Variants in SLC24A4 observed in about 807,000 individuals in gnomAD.
The protein encoded by SLC24A4 is sodium/potassium/calcium exchanger 4.
SLC24A4 carries 53 observed loss-of-function variants against 79.0 expected under a neutral mutation model. The ratio of observed to expected loss-of-function variants is 0.67; its 90% CI spans 0.54 to 0.84. The LOEUF (loss-of-function observed/expected upper bound fraction) is 0.84, where lower values mean the gene tolerates loss of function less well. SLC24A4 is among the 40% of genes least tolerant of loss of function. The probability of loss-of-function intolerance (pLI) is 0.00; values close to 1 mark genes in which losing one functional copy is unlikely to be tolerated. For missense variants in SLC24A4, 731 were observed against 822.0 expected, an observed-to-expected ratio of 0.89 and a Z score of 1.35; for synonymous variants, 323 against 323.8, an observed-to-expected ratio of 1.00 and a Z score of 0.03.
intron 2 of SLC24A4, among the ~76,000 whole-genome samples, chr14:92,347,300 G>A (rs2141633396): frequency 6.6e-6 from 1 of 152,240 alleles, no homozygotes; most frequent in Middle Eastern, 3.4e-3. Context: ...ACTTTTCAAG[G>A]AGCCAAAGGC....
chr14:92,415,143 T>G (rs1244421428), intron 2 of SLC24A4, among the ~76,000 whole-genome samples: 2 of 152,204 alleles, frequency 1.3e-5, no homozygotes, highest in Non-Finnish European at 2.9e-5. Flanking sequence ...TTGTTGAGAA[T>G]TCTCCTGTGG....
In SLC24A4 at chr14:92,400,381, G is replaced by A. The variant is rs193033172; in HGVS notation, c.242-33531G>A. Among the ~76,000 whole-genome samples the A allele has an allele frequency of 4.2e-4, 62 of 147,100 alleles. 2 individuals carry two copies. In the East Asian group the frequency reaches 0.013, roughly 30 times the overall value. Reference sequence around the variant, plus strand: ...TTCAACATGGGAGGCAGAGGTTGCAGTGAGCCGAGATCGTGCCACTGCACT... The same window carrying A: ...TTCAACATGGGAGGCAGAGGTTGCAATGAGCCGAGATCGTGCCACTGCACT... On this transcript the variant is annotated intron_variant, in intron 2 of 16. Transcript: ENST00000532405.
At chr14:92,380,676 G>A (rs1346993232) in intron 2 of SLC24A4, among the ~76,000 whole-genome samples, 4 of 152,198 alleles carry the variant, frequency 2.6e-5, no homozygotes, top group Non-Finnish European at 4.4e-5. Context: ...TGCGGCTCCC[G>A]CCCAGGGTCA....
chr14:92,492,125 T>C (rs1895710693), intron 15 of SLC24A4, 50 bp from the exon 16 acceptor site: 3 of 1,549,718 alleles, frequency 1.9e-6, no homozygotes, highest in Non-Finnish European at 2.7e-6. Flanking sequence ...TCTGGATGGA[T>C]TGGCTCTGAG....
chr14:92,436,241 G>A (rs918847366), intron 3 of SLC24A4, among the ~76,000 whole-genome samples: 2 of 152,280 alleles, frequency 1.3e-5, no homozygotes, highest in East Asian at 3.9e-4. Context: ...ATCAGATCTC[G>A]TGAGAATTCA....
At chr14:92,383,450 C>T (rs558238145) in intron 2 of SLC24A4, among the ~76,000 whole-genome samples, 2 of 152,308 alleles carry the variant, frequency 1.3e-5, no homozygotes, top group African/African-American at 4.8e-5. Flanking sequence ...TGCCCTTCCT[C>T]TCTCTGCCTC....
At chr14:92,340,940 C>T (rs867452940) in intron 2 of SLC24A4, among the ~76,000 whole-genome samples, 6 of 152,332 alleles carry the variant, frequency 3.9e-5, no homozygotes, top group Middle Eastern at 6.8e-3. Flanking sequence ...AAATGTAGGG[C>T]ACTGCATGTA....
rs1470731967 is a variant in SLC24A4, at chr14:92,433,900, C to T, written c.242-12C>T. Reference sequence around the variant, plus strand: ...GATAACTAACACTCTGCCATCTCTTCCTGTCTTCCAGCGATTCACGAGTTC... The same window carrying T: ...GATAACTAACACTCTGCCATCTCTTTCTGTCTTCCAGCGATTCACGAGTTC... On this transcript the variant is annotated splice_polypyrimidine_tract_variant and intron_variant, in intron 2 of 16. Transcript: ENST00000532405. 6.2e-7 allele frequency: 1 copy of T among 1,613,176 alleles called. No individual in the cohort carries two copies. Among genetic ancestry groups the T allele is most frequent in the Admixed American group, 1.7e-5 (1 of 60,022 alleles).
At chr14:92,408,325 G>A in intron 2 of SLC24A4, 2 of 925,584 alleles carry the variant, frequency 2.2e-6, no homozygotes, top group Non-Finnish European at 2.6e-6. Context: ...GGGCCTATCT[G>A]TTTAAGGAAA....
rs1884949086 is a variant in SLC24A4 at position 92,323,899 on chromosome 14, C to A, written c.69C>A (p.Val23=). The A allele has an allele frequency of 1.2e-6, 2 of 1,609,172 alleles. No individual in the cohort carries two copies. Among genetic ancestry groups the A allele is most frequent in the Non-Finnish European group, 1.7e-6 (2 of 1,179,754 alleles). ...RRRREMLPQQ[V]GFVCAVLALV... ...GGCGAGAGATGCTGCCGCAGCAAGT[C>A]GGCTTCGTGTGCGCGGTGCTGGCCC... Residue 23 remains valine (V), a synonymous_variant, in exon 1 of 17, where the codon GTC becomes GTA. Transcript: ENST00000532405. This position sits in a 1 kb window ranked among gnomAD's most constrained non-coding sequence, Gnocchi z 4.9.
chr14:92,464,752 G>A (rs1894007805), intron 12 of SLC24A4, among the ~76,000 whole-genome samples: 1 of 152,188 alleles, frequency 6.6e-6, no homozygotes, highest in African/African-American at 2.4e-5. Flanking sequence ...GGAATATGGG[G>A]GCTGCCGAGG....
At chr14:92,489,654 A>G (rs956176855) in intron 14 of SLC24A4, among the ~76,000 whole-genome samples, 1 of 152,118 alleles carries the variant, frequency 6.6e-6, no homozygotes, top group Admixed American at 6.5e-5. Flanking sequence ...AGACCCACTG[A>G]ATCAGAATCT....
At chr14:92,364,160 A>C (rs1173322290) in intron 2 of SLC24A4, among the ~76,000 whole-genome samples, 1 of 152,232 alleles carries the variant, frequency 6.6e-6, no homozygotes, top group Non-Finnish European at 1.5e-5. Flanking sequence ...GATTATCATT[A>C]TTAGTGTGTT....
At chr14:92,455,556 A>C (rs1339510346) in intron 11 of SLC24A4, among the ~76,000 whole-genome samples, 4 of 152,166 alleles carry the variant, frequency 2.6e-5, no homozygotes, top group Non-Finnish European at 4.4e-5. Flanking sequence ...GTTCAGGAAA[A>C]ACTAATCAAT....
intron 2 of SLC24A4, among the ~76,000 whole-genome samples, chr14:92,399,660 C>T (rs999360340): frequency 2.6e-5 from 4 of 152,180 alleles, no homozygotes; most frequent in Non-Finnish European, 1.5e-5. Flanking sequence ...GGCTGAACTT[C>T]AGCTGGTTTT....
At chr14:92,397,134 G>A (rs1430993036) in intron 2 of SLC24A4, among the ~76,000 whole-genome samples, 1 of 152,240 alleles carries the variant, frequency 6.6e-6, no homozygotes, top group African/African-American at 2.4e-5. Context: ...CCCTTTGGCT[G>A]TGGTAATTCA....
intron 2 of SLC24A4, among the ~76,000 whole-genome samples, chr14:92,359,327 G>GCA (rs10669595): frequency 0.19 from 29,241 of 151,962 alleles, 4,068 homozygotes; most frequent in African/African-American, 0.4. Flanking sequence ...TATAATCCCA[G>GCA]CACTTTGGGA....
rs182186717 is a variant in SLC24A4, at chr14:92,486,460, C to T, written c.1423-206C>T. Among the ~76,000 whole-genome samples the T allele has an allele frequency of 4.6e-5, 7 of 152,284 alleles. No individual in the cohort carries two copies. In the East Asian group the frequency reaches 1.2e-3, roughly 25 times the overall value. On this transcript the variant is annotated intron_variant, in intron 13 of 16. Coordinates refer to ENST00000532405, the MANE Select transcript of SLC24A4 (RefSeq NM_153646.4). ...ATGGTATGTGCACACTCAAGACCTT[C>T]CTTCCATCCTTCCATCCTTTGGCTT...
At chr14:92,334,572 A>T (rs1283026519) in intron 2 of SLC24A4, among the ~76,000 whole-genome samples, 2 of 152,150 alleles carry the variant, frequency 1.3e-5, no homozygotes, top group Non-Finnish European at 2.9e-5. Flanking sequence ...AACAAAAGGA[A>T]GTTGCACTGG....
Sources: allele counts gnomAD v4.1 joint callset (sites outside exome capture counted in the v4.1 genomes callset), GRCh38; gene constraint gnomAD v4.1.1; non-coding constraint Gnocchi (gnomAD v3.1); transcripts MANE v1.5; gene names NCBI Gene and HGNC (gene_info 2026-07-23, HGNC 2026-07-21).